Variants in COL6A5 observed in about 807,000 individuals in gnomAD.
COL6A5 encodes collagen type VI alpha 5 chain, also known as collagen alpha-5(VI) chain.
In COL6A5, 48 loss-of-function variants were observed where a neutral mutation model predicts 65.6. That is an observed-to-expected ratio of 0.73 (90% CI 0.58 to 0.93). The LOEUF is 0.93. Ranked by LOEUF, COL6A5 falls within the 40% of genes least tolerant of loss-of-function variation. The probability of loss-of-function intolerance (pLI) is 0.00; values close to 1 mark genes in which losing one functional copy is unlikely to be tolerated. For synonymous variants in COL6A5, 291 were observed against 322.8 expected (o/e 0.90, Z 1.05); for missense variants, 914 against 928.3 (o/e 0.98, Z 0.20).
chr3:130,461,653 C>T (rs1403571943), intron 5 of COL6A5, among the ~76,000 whole-genome samples: 4 of 151,828 alleles, frequency 2.6e-5, no homozygotes, highest in Non-Finnish European at 5.9e-5. Context: ...GAGATATATC[C>T]AATGGCCAAA....
chr3:130,475,291 TA>T (rs899218074), intron 7 of COL6A5, among the ~76,000 whole-genome samples: 49 of 146,722 alleles, frequency 3.3e-4, no homozygotes, highest in African/African-American at 7.5e-4. Context: ...TTTTAAAAGC[TA>T]AAAAAAAAAT....
intron 7 of COL6A5, among the ~76,000 whole-genome samples, chr3:130,473,917 C>G (rs1710023806): frequency 6.6e-6 from 1 of 152,066 alleles, no homozygotes; most frequent in African/African-American, 2.4e-5. Flanking sequence ...TTTCTTTTGT[C>G]TTAAGTTTTC....
At chr3:130,479,949 G>C (rs1336760833) in intron 7 of COL6A5, among the ~76,000 whole-genome samples, 1 of 151,946 alleles carries the variant, frequency 6.6e-6, no homozygotes, top group African/African-American at 2.4e-5. Flanking sequence ...CTAAATGACT[G>C]GATAACTGAT....
upstream of COL6A5, chr3:130,429,642 G>C (rs879101687): frequency 2.1e-6 from 3 of 1,441,268 alleles, no homozygotes; most frequent in South Asian, 4.1e-5. Flanking sequence ...ATTCCAACAA[G>C]ACCAATCTGA....
chr3:130,388,429 A>G, intron 5 of COL6A5, 151 bp from the exon 6 acceptor site: 2 of 671,476 alleles, frequency 3.0e-6, no homozygotes, highest in Non-Finnish European at 2.4e-6. Context: ...AGCTTCTACT[A>G]AAGAAGCAAA....
chr3:130,430,663 G>T (rs1013608491), upstream of COL6A5, among the ~76,000 whole-genome samples: 2 of 152,134 alleles, frequency 1.3e-5, no homozygotes, highest in Non-Finnish European at 2.9e-5. Context: ...ATTTTTATAA[G>T]AGCTTATTGC....
rs9878802 is a variant in COL6A5, at chr3:130,384,689, G to A, written c.1301-115G>A. On this transcript the variant is annotated intron_variant and NMD_transcript_variant, in intron 4 of 41. Transcript: ENST00000312481. ...GCTTAATGAAGTGTGCAGGCTCTAC[G>A]CAAAAACGAAGTCTTCATTCTTTAG... 3,025 of 795,192 alleles carry A rather than the reference G, an allele frequency of 3.8e-3. 11 individuals carry two copies. The highest frequency in any genetic ancestry group is 0.01 in the African/African-American group (594 of 57,200). 49.3% of individuals were successfully genotyped at this position (795,192 alleles called of 1,614,324 possible). A position where few individuals can be genotyped will look rare whatever the true frequency, so the allele number is the denominator to read the frequency against.
intron 4 of COL6A5, among the ~76,000 whole-genome samples, chr3:130,380,345 T>C (rs1240023051): frequency 6.6e-6 from 1 of 152,082 alleles, no homozygotes; most frequent in African/African-American, 2.4e-5. Context: ...CAGAAGAAAA[T>C]AGAATCACCT....
At chr3:130,401,833 C>G (rs1936827999) in exon 12 of COL6A5, 27 of 1,551,200 alleles carry the variant, frequency 1.7e-5, no homozygotes, top group Non-Finnish European at 2.4e-5. Flanking sequence ...CTCATGGGAC[C>G]CGAGGACTAC....
intron 5 of COL6A5, 87 bp from the exon 6 acceptor site, chr3:130,388,493 A>G (rs186467336): frequency 1.3e-4 from 143 of 1,064,990 alleles, no homozygotes; most frequent in Middle Eastern, 1.3e-3. Context: ...ATGTTTTCTC[A>G]TTAATGCATT....
exon 6 of COL6A5, chr3:130,469,029 C>G (rs369752347): frequency 1.7e-5 from 28 of 1,612,758 alleles, no homozygotes; most frequent in Non-Finnish European, 2.2e-5. Flanking sequence ...CTGAGCTACT[C>G]TCCTCCAGGC....
At chr3:130,385,747 A>G (rs1235195149) in intron 5 of COL6A5, among the ~76,000 whole-genome samples, 3 of 152,054 alleles carry the variant, frequency 2.0e-5, no homozygotes, top group Non-Finnish European at 4.4e-5. Flanking sequence ...AGGTGGGTAC[A>G]GTGGAAGGAA....
At chr3:130,345,878 G>A (rs942663132) in exon 1 of COL6A5, 1 of 398,604 alleles carries the variant, frequency 2.5e-6, no homozygotes, top group Non-Finnish European at 4.4e-6. Flanking sequence ...GCGGGCGCCC[G>A]AGAGGCGCGC....
intron 25 of COL6A5, among the ~76,000 whole-genome samples, chr3:130,419,835 G>T (rs1010945424): frequency 2.6e-5 from 4 of 152,098 alleles, no homozygotes; most frequent in Non-Finnish European, 5.9e-5. Context: ...GAGATCTATT[G>T]TATATCATGG....
chr3:130,415,085 C>T (rs1380311207), intron 22 of COL6A5, among the ~76,000 whole-genome samples: 1 of 152,034 alleles, frequency 6.6e-6, no homozygotes, highest in African/African-American at 2.4e-5. Context: ...CTGGGCAGCC[C>T]AGGGCCAGTT....
At chr3:130,372,254 G>T (rs562689594) in intron 1 of COL6A5, among the ~76,000 whole-genome samples, 13 of 152,154 alleles carry the variant, frequency 8.5e-5, no homozygotes, top group Middle Eastern at 6.8e-3. Context: ...AAACAATTTT[G>T]CAGTTTCTCA....
intron 13 of COL6A5, among the ~76,000 whole-genome samples, chr3:130,405,007 G>C (rs1936937960): frequency 6.6e-6 from 1 of 152,198 alleles, no homozygotes; most frequent in Non-Finnish European, 1.5e-5. Context: ...TTTCCTTGGA[G>C]AAGCAAGGTT....
At chr3:130,359,307 A>G (rs892954569) in intron 1 of COL6A5, among the ~76,000 whole-genome samples, 52 of 152,146 alleles carry the variant, frequency 3.4e-4, no homozygotes, top group Admixed American at 4.6e-4. Context: ...AGGTTTAACA[A>G]CTTGCTACCT....
At chr3:130,402,322 T>C (rs1035207133) in intron 12 of COL6A5, among the ~76,000 whole-genome samples, 2 of 152,160 alleles carry the variant, frequency 1.3e-5, no homozygotes, top group African/African-American at 4.8e-5. Flanking sequence ...CAGAATGAGA[T>C]TGAACTACAA....
Sources: allele counts gnomAD v4.1 joint callset (sites outside exome capture counted in the v4.1 genomes callset), GRCh38; gene constraint gnomAD v4.1.1; transcripts MANE v1.5; gene names NCBI Gene and HGNC (gene_info 2026-07-23, HGNC 2026-07-21).